The following NRG3 variants were observed in gnomAD, a reference collection of about 807,000 sequenced individuals.
NRG3 encodes the protein pro-neuregulin-3, membrane-bound isoform.
A neutral mutation model predicts 66.9 loss-of-function variants in NRG3; 31 were observed. That is an observed-to-expected ratio of 0.46 (90% CI 0.35 to 0.63). The LOEUF (loss-of-function observed/expected upper bound fraction) is 0.63. Among genes scored for constraint, NRG3 ranks in the 20% least tolerant of loss-of-function variants. The pLI is 0.00. For synonymous variants in NRG3, 393 were observed against 359.4 expected (o/e 1.09, Z -1.06); for missense variants, 910 against 878.9 (o/e 1.04, Z -0.45).
At chr10:82,246,689 G>C (rs922287460) in intron 1 of NRG3, among the ~76,000 whole-genome samples, 1 of 152,130 alleles carries the variant, frequency 6.6e-6, no homozygotes, top group African/African-American at 2.4e-5. Flanking sequence ...AAAAAGAATG[G>C]GAAATGATCT....
At chr10:82,836,012 G>A (rs932041383) in intron 3 of NRG3, among the ~76,000 whole-genome samples, 1 of 152,124 alleles carries the variant, frequency 6.6e-6, no homozygotes, top group African/African-American at 2.4e-5. Context: ...CAACTCTGTT[G>A]TATGGCTGAC....
At chr10:82,723,372 C>T (rs377304384) in intron 2 of NRG3, among the ~76,000 whole-genome samples, 11 of 152,106 alleles carry the variant, frequency 7.2e-5, no homozygotes, top group African/African-American at 2.4e-4. Flanking sequence ...TACTATGCTT[C>T]GTACCTGGGT....
At chr10:82,402,984 C>T (rs1589998318) in intron 2 of NRG3, among the ~76,000 whole-genome samples, 1 of 152,194 alleles carries the variant, frequency 6.6e-6, no homozygotes, top group Non-Finnish European at 1.5e-5. Context: ...AACTGTTGTT[C>T]ATAGCTGTTG....
chr10:82,863,939 C>T (rs1485266460), intron 3 of NRG3, among the ~76,000 whole-genome samples: 2 of 152,138 alleles, frequency 1.3e-5, no homozygotes, highest in Admixed American at 1.3e-4. Flanking sequence ...ATGATGACCA[C>T]AGAGTAAGCA....
At chr10:82,309,841 A>G (rs1211382650) in intron 1 of NRG3, among the ~76,000 whole-genome samples, 1 of 152,210 alleles carries the variant, frequency 6.6e-6, no homozygotes, top group African/African-American at 2.4e-5. Flanking sequence ...ATGTAAACTC[A>G]GCATCTGCCA....
chr10:82,000,908 C>T (rs1026340577), intron 1 of NRG3, among the ~76,000 whole-genome samples: 3 of 152,044 alleles, frequency 2.0e-5, no homozygotes, highest in Non-Finnish European at 4.4e-5. Context: ...TTTGTTTTTT[C>T]TCTTTTAAAA....
intron 1 of NRG3, among the ~76,000 whole-genome samples, chr10:82,309,904 T>A (rs1370077763): frequency 6.6e-6 from 1 of 152,204 alleles, no homozygotes; most frequent in East Asian, 1.9e-4. Context: ...GCTTATTATT[T>A]TAATGGCAAC....
chr10:82,735,006 CA>C (rs11404285), intron 2 of NRG3, among the ~76,000 whole-genome samples: 12 of 128,508 alleles, frequency 9.3e-5, no homozygotes, highest in East Asian at 4.5e-4. Context: ...GACTCTGCCT[CA>C]AAAAAAAAAA....
intron 2 of NRG3, among the ~76,000 whole-genome samples, chr10:82,603,509 G>C (rs1408716883): frequency 6.6e-6 from 1 of 152,142 alleles, no homozygotes; most frequent in African/African-American, 2.4e-5. Flanking sequence ...TCTAACTGTA[G>C]TGCAGTCAGA....
At chr10:82,200,980 G>A (rs1346455971) in intron 1 of NRG3, among the ~76,000 whole-genome samples, 7 of 151,874 alleles carry the variant, frequency 4.6e-5, no homozygotes, top group Non-Finnish European at 8.8e-5. Flanking sequence ...GGCGGATCAC[G>A]AGGTCAGGAG....
At chr10:82,807,937 T>C (rs1360097963) in intron 3 of NRG3, among the ~76,000 whole-genome samples, 1 of 152,190 alleles carries the variant, frequency 6.6e-6, no homozygotes, top group Non-Finnish European at 1.5e-5. Flanking sequence ...ATCCTTTTTC[T>C]TTCTTTACCT....
At chr10:82,669,431 T>C (rs974489971) in intron 2 of NRG3, among the ~76,000 whole-genome samples, 9 of 152,120 alleles carry the variant, frequency 5.9e-5, no homozygotes, top group Admixed American at 5.9e-4. Flanking sequence ...TTTATTTTCC[T>C]GGTTCTTCAG....
At chr10:81,949,161 C>T (rs1321582995) in intron 1 of NRG3, among the ~76,000 whole-genome samples, 1 of 152,140 alleles carries the variant, frequency 6.6e-6, no homozygotes, top group Non-Finnish European at 1.5e-5. Context: ...GCTCCTGTCT[C>T]TGAGAAGGCT....
chr10:82,876,067 T>C (rs1016940153), intron 4 of NRG3, among the ~76,000 whole-genome samples: 1 of 152,242 alleles, frequency 6.6e-6, no homozygotes, highest in South Asian at 2.1e-4. Flanking sequence ...TCTGTAAAGA[T>C]GTTTTTGGAC....
intron 1 of NRG3, among the ~76,000 whole-genome samples, chr10:82,186,267 A>T (rs765124290): frequency 6.6e-6 from 1 of 152,172 alleles, no homozygotes; most frequent in Non-Finnish European, 1.5e-5. Flanking sequence ...ACCAGTAAAG[A>T]GGAATCCAGG....
At chr10:82,532,197 A>G (rs1847334132) in intron 2 of NRG3, among the ~76,000 whole-genome samples, 1 of 151,668 alleles carries the variant, frequency 6.6e-6, no homozygotes, top group African/African-American at 2.4e-5. Context: ...ATTGTTAACT[A>G]ATGTTGCCCT....
At chr10:82,692,707 GCAAGC>G (rs1208060307) in intron 2 of NRG3, among the ~76,000 whole-genome samples, 1 of 152,198 alleles carries the variant, frequency 6.6e-6, no homozygotes, top group East Asian at 1.9e-4. Context: ...GCATGCCCAG[GCAAGC>G]CCCCTGTGCA....
chr10:82,524,756 A>G (rs1376416841), intron 2 of NRG3, among the ~76,000 whole-genome samples: 7 of 151,860 alleles, frequency 4.6e-5, no homozygotes, highest in African/African-American at 1.4e-4. Context: ...TATATTTTAC[A>G]AATGTTTCTT....
chr10:81,941,396 C>T (rs1848391955), intron 1 of NRG3, among the ~76,000 whole-genome samples: 1 of 152,004 alleles, frequency 6.6e-6, no homozygotes, highest in Admixed American at 6.6e-5. Context: ...ATGTGCATTT[C>T]TGAGTGGAGA....
Sources: gnomAD v4.1 joint callset for allele counts (sites outside exome capture counted in the v4.1 genomes callset) on GRCh38, gnomAD v4.1.1 for gene constraint, MANE v1.5 for transcripts, NCBI Gene and HGNC (gene_info 2026-07-23, HGNC 2026-07-21) for gene names.